The following MAP1B variants were observed in gnomAD, a reference collection of about 807,000 sequenced individuals.
The protein encoded by MAP1B is microtubule-associated protein 1B.
MAP1B carries 12 observed loss-of-function variants against 176.1 expected under a neutral mutation model. That is an observed-to-expected ratio of 0.07 (90% CI 0.04 to 0.11). The LOEUF (loss-of-function observed/expected upper bound fraction) is 0.11. Among genes scored for constraint, MAP1B ranks in the 10% least tolerant of loss-of-function variants. The pLI is 1.00. For missense variants in MAP1B, 2,523 were observed against 2,990.5 expected, an observed-to-expected ratio of 0.84 and a Z score of 3.65; for synonymous variants, 1,044 against 1,135.0, an observed-to-expected ratio of 0.92 and a Z score of 1.61.
intron 2 of MAP1B, among the ~76,000 whole-genome samples, chr5:72,122,284 T>A (rs1178628232): frequency 6.6e-6 from 1 of 151,992 alleles, no homozygotes; most frequent in Non-Finnish European, 1.5e-5. Flanking sequence ...CTGTCCGCTC[T>A]CACCCCAGTG....
At chr5:72,139,815 G>T (rs770876602) in intron 2 of MAP1B, among the ~76,000 whole-genome samples, 4 of 152,128 alleles carry the variant, frequency 2.6e-5, no homozygotes, top group Non-Finnish European at 5.9e-5. Context: ...CCCATCTGTG[G>T]TAGAGATGGT....
rs753028137 is a variant in MAP1B at position 72,194,558 on chromosome 5, T to G, written c.1203T>G (p.Ser401Arg). ...LSMKPEPLFRSVGNTIDPVIL... is the reference protein window; with the variant it reads ...LSMKPEPLFRRVGNTIDPVIL... ...TGAAACCAGAACCTCTGTTTAGAAG[T>G]GTAGGCAATACTATTGATCCTGTCA... Residue 401 changes from serine to arginine, a missense_variant, in exon 5 of 7, where the codon AGT (serine) becomes AGG (arginine). By Grantham distance (110) the Ser-to-Arg change is moderately radical. Coordinates refer to ENST00000296755, the MANE Select transcript of MAP1B (RefSeq NM_005909.5). The surrounding 1 kb of genome is among the most constrained non-coding windows in gnomAD (Gnocchi z 7.2). 1.2e-6 allele frequency: 2 copies of G among 1,614,130 alleles called. No individual in the cohort carries two copies. Among genetic ancestry groups the G allele is most frequent in the Admixed American group, 3.3e-5 (2 of 60,032 alleles).
intron 2 of MAP1B, among the ~76,000 whole-genome samples, chr5:72,158,006 ATTTT>A (rs33987772): frequency 1.1e-4 from 11 of 104,314 alleles, no homozygotes; most frequent in East Asian, 2.6e-4. Context: ...CACCTGGCTA[ATTTT>A]TTTTTTTTTT....
intron 2 of MAP1B, among the ~76,000 whole-genome samples, chr5:72,142,653 A>G (rs1745966612): frequency 6.6e-6 from 1 of 152,302 alleles, no homozygotes; most frequent in African/African-American, 2.4e-5. Flanking sequence ...ATGAAATAAA[A>G]GAAAAAAGGG....
intron 2 of MAP1B, among the ~76,000 whole-genome samples, chr5:72,149,597 C>T (rs1185552472): frequency 6.6e-6 from 1 of 152,180 alleles, no homozygotes; most frequent in Non-Finnish European, 1.5e-5. Flanking sequence ...GTTTGTTGAG[C>T]GTCTCCAGGA....
Position 72,115,710 on chromosome 5 carries a change from G to T in MAP1B, c.197G>T (p.Trp66Leu). 1.9e-6 allele frequency: 3 copies of T among 1,609,072 alleles called. No homozygotes were observed. Among genetic ancestry groups the T allele is most frequent in the South Asian group, 2.2e-5 (2 of 90,942 alleles). ...IGNIELGIRS[W>L]DTNLIECNLD... ...TTTCCCTCCCTAGGAATCCGATCAT[G>T]GGACACAAACCTGATTGAATGCAAC... Residue 66 changes from tryptophan (W) to leucine (L), a missense_variant, in exon 2 of 7, where the codon TGG (tryptophan) becomes TTG (leucine). Around this residue, in one of 4 missense-constraint regions of MAP1B, gnomAD observed 307 missense variants for 438.4 expected, o/e 0.70. Coordinates refer to ENST00000296755, the MANE Select transcript of MAP1B (RefSeq NM_005909.5).
chr5:72,135,514 G>A (rs900583856), intron 2 of MAP1B, among the ~76,000 whole-genome samples: 2 of 152,190 alleles, frequency 1.3e-5, no homozygotes, highest in African/African-American at 4.8e-5. Flanking sequence ...GTAGCTATGA[G>A]ATTGAGGGTC....
intron 2 of MAP1B, among the ~76,000 whole-genome samples, chr5:72,172,703 A>T (rs947485554): frequency 1.3e-5 from 2 of 152,222 alleles, no homozygotes; most frequent in Non-Finnish European, 2.9e-5. Context: ...CTCCCAAGGG[A>T]AATAATGCTA....
Position 72,152,938 on chromosome 5 carries a change from C to G in MAP1B, c.287-30805C>G, listed in dbSNP as rs939913031. 1.3e-5 allele frequency among the ~76,000 whole-genome samples: 2 copies of G among 152,184 alleles called. 1 individual carries two copies. Among genetic ancestry groups the G allele is most frequent in the South Asian group, 4.2e-4 (2 of 4,814 alleles). On this transcript the variant is annotated intron_variant, in intron 2 of 6. Coordinates refer to ENST00000296755, the MANE Select transcript of MAP1B (RefSeq NM_005909.5). ...GGCCTGCTGGAACAGGAAGCAGCAA[C>G]GCAATTCCACCAGAGGAACCACAGG...
intron 2 of MAP1B, among the ~76,000 whole-genome samples, chr5:72,123,610 G>A (rs1047067548): frequency 6.6e-6 from 1 of 151,616 alleles, no homozygotes; most frequent in Non-Finnish European, 1.5e-5. Flanking sequence ...TCAGGCTCCC[G>A]AGTAGCTGGG....
In MAP1B at chr5:72,200,236, A is replaced by C. The variant is rs773277067; in HGVS notation, c.6881A>C (p.Glu2294Ala). 24 of 1,614,090 alleles carry C rather than the reference A, an allele frequency of 1.5e-5. No individual in the cohort carries two copies. Among genetic ancestry groups the C allele is most frequent in the Middle Eastern group, 3.3e-4 (2 of 6,084 alleles). The change falls in exon 5 of 7, where the codon GAA becomes GCA. Residue 2294 changes from glutamate (E) to alanine (A), a missense_variant. By Grantham distance (107) the Glu-to-Ala change is moderately radical. Around this residue, in one of 4 missense-constraint regions of MAP1B, gnomAD observed 287 missense variants for 401.5 expected, o/e 0.71. Transcript: ENST00000296755. ...AGGGTGGCTTCTCCTAAGAAGAAAG[A>C]ATCTGTGGAAAAGGCAGCAAAACCC... Reference protein sequence around the residue: ...VSRVASPKKKESVEKAAKPTT... With the variant: ...VSRVASPKKKASVEKAAKPTT...
Position 72,194,384 on chromosome 5 carries a change from T to C in MAP1B, c.1029T>C (p.Ser343=), listed in dbSNP as rs963329305. 6.2e-7 allele frequency: 1 copy of C among 1,614,118 alleles called. No individual in the cohort carries two copies. Among genetic ancestry groups the C allele is most frequent in the Non-Finnish European group, 8.5e-7 (1 of 1,180,026 alleles). Residue 343 remains serine (S), a synonymous_variant, in exon 5 of 7, where the codon AGT becomes AGC. Coordinates refer to ENST00000296755, the MANE Select transcript of MAP1B (RefSeq NM_005909.5). The surrounding 1 kb of genome is among the most constrained non-coding windows in gnomAD (Gnocchi z 7.2). ...EEQSQGSTTN[S]DWMKNLISPD... ...AGTCCCAGGGCTCCACCACAAATAG[T>C]GACTGGATGAAAAACCTCATCTCCC...
At chr5:72,116,922 T>G (rs1031072089) in intron 2 of MAP1B, among the ~76,000 whole-genome samples, 6 of 152,178 alleles carry the variant, frequency 3.9e-5, no homozygotes, top group Admixed American at 2.6e-4. Context: ...ATCAGTGCCT[T>G]CGTGAATCAC....
At chr5:72,129,176 G>A (rs1357051603) in intron 2 of MAP1B, among the ~76,000 whole-genome samples, 1 of 152,238 alleles carries the variant, frequency 6.6e-6, no homozygotes, top group Non-Finnish European at 1.5e-5. Flanking sequence ...ATGTACATAT[G>A]TAATTGTATG....
intron 4 of MAP1B, among the ~76,000 whole-genome samples, chr5:72,192,548 T>C (rs1438518283): frequency 6.6e-6 from 1 of 152,230 alleles, no homozygotes; most frequent in African/African-American, 2.4e-5. Flanking sequence ...TCAGATTCTA[T>C]AAATTATTCT....
intron 2 of MAP1B, among the ~76,000 whole-genome samples, chr5:72,145,886 C>T (rs10079593): frequency 0.068 from 10,353 of 152,186 alleles, 414 homozygotes; most frequent in Middle Eastern, 0.095. Flanking sequence ...GGTTCAGTAA[C>T]GAACCACCAG....
rs1417471463 is a variant in MAP1B, at chr5:72,207,730, A to T, written c.*2491A>T. 4 of 152,220 alleles carry T rather than the reference A, an allele frequency of 2.6e-5. 1 individual carries two copies. Among genetic ancestry groups the T allele is most frequent in the Admixed American group, 2.6e-4 (4 of 15,282 alleles). 9.4% of individuals were successfully genotyped at this position (152,220 alleles called of 1,614,324 possible). Reference sequence around the variant, plus strand: ...TATTTAATGGTTAGCTCTTAAGTTGAATTGGTCTACATAATGCGTGGGAAG... The same window carrying T: ...TATTTAATGGTTAGCTCTTAAGTTGTATTGGTCTACATAATGCGTGGGAAG... On this transcript the variant is annotated 3_prime_UTR_variant, in exon 7 of 7. Coordinates refer to ENST00000296755, the MANE Select transcript of MAP1B (RefSeq NM_005909.5).
intron 6 of MAP1B, 88 bp downstream of exon 6, chr5:72,203,889 G>A: frequency 1.7e-6 from 2 of 1,169,426 alleles, no homozygotes; most frequent in Non-Finnish European, 2.5e-6. Flanking sequence ...GGCACCTCAT[G>A]TGGCTGATCG....
chr5:72,167,081 C>G (rs1180196544), intron 2 of MAP1B, among the ~76,000 whole-genome samples: 2 of 149,932 alleles, frequency 1.3e-5, no homozygotes, highest in Admixed American at 6.7e-5. Context: ...AGAGGCAATG[C>G]AGAAATGCCA....
Sources: gnomAD v4.1 joint callset for allele counts (sites outside exome capture counted in the v4.1 genomes callset) on GRCh38, gnomAD v4.1.1 for gene constraint, gnomAD v4.1.1 regional missense constraint, Gnocchi (gnomAD v3.1) non-coding constraint, MANE v1.5 for transcripts, NCBI Gene and HGNC (gene_info 2026-07-23, HGNC 2026-07-21) for gene names.